The following ACTR3C variants were observed in gnomAD, a reference collection of about 807,000 sequenced individuals.
ACTR3C encodes the protein actin-related protein 3C.
Under a neutral mutation model 26.3 loss-of-function variants are expected in ACTR3C, and 18 were observed. The ratio of observed to expected loss-of-function variants is 0.68; its 90% CI spans 0.47 to 1.01. ACTR3C has a LOEUF of 1.01. Among genes scored for constraint, ACTR3C ranks in the 50% least tolerant of loss-of-function variants. The pLI, the probability that ACTR3C is intolerant of heterozygous loss-of-function variation, is 0.00. For missense variants in ACTR3C, 184 were observed against 250.7 expected, an observed-to-expected ratio of 0.73 and a Z score of 1.80; for synonymous variants, 55 against 94.5, an observed-to-expected ratio of 0.58 and a Z score of 2.42.
the ACTR3C span, among the ~76,000 whole-genome samples, chr7:150,053,729 A>T: frequency 5.1e-4 from 78 of 152,396 alleles, no homozygotes; most frequent in African/African-American, 1.7e-3. Context: ...CAACTCATCA[A>T]ATCCTGCCAC....
At chr7:150,261,904 G>T (rs1477355945) in intron 6 of ACTR3C, among the ~76,000 whole-genome samples, 15 of 151,758 alleles carry the variant, frequency 9.9e-5, no homozygotes, top group Non-Finnish European at 1.8e-4. Context: ...CATAGCTAGT[G>T]CACAGTCTGA....
chr7:150,037,672 C>T, the ACTR3C span, among the ~76,000 whole-genome samples: 7 of 110,110 alleles, frequency 6.4e-5, 1 homozygote, highest in Non-Finnish European at 1.4e-4. Context: ...CCACAGTCCT[C>T]CAGGTGGGTC....
the ACTR3C span, among the ~76,000 whole-genome samples, chr7:150,082,947 C>CTTTTTTTTTTTTTTTTTTTTTTTTT: frequency 9.2e-6 from 1 of 108,548 alleles, no homozygotes; most frequent in Non-Finnish European, 1.8e-5. Flanking sequence ...TTTTTTTTTT[C>CTTTTTTTTTTTTTTTTTTTTTTTTT]TTTTTTTTTT....
the ACTR3C span, among the ~76,000 whole-genome samples, chr7:150,087,705 C>T: frequency 6.6e-6 from 1 of 152,164 alleles, no homozygotes; most frequent in African/African-American, 2.4e-5. Flanking sequence ...AAAGCCACAG[C>T]CTGTTGTGAA....
the ACTR3C span, among the ~76,000 whole-genome samples, chr7:150,210,044 C>T: frequency 1.3e-5 from 2 of 151,322 alleles, no homozygotes; most frequent in Non-Finnish European, 2.9e-5. Flanking sequence ...ACCAAGTAAC[C>T]CAATCAAAAA....
At chr7:150,203,657 C>T in the ACTR3C span, among the ~76,000 whole-genome samples, 34 of 152,292 alleles carry the variant, frequency 2.2e-4, no homozygotes, top group African/African-American at 7.5e-4. Context: ...CCTCCACCTC[C>T]CTGGTTCAAG....
At chr7:150,112,136 C>T in the ACTR3C span, among the ~76,000 whole-genome samples, 1 of 150,654 alleles carries the variant, frequency 6.6e-6, no homozygotes, top group Non-Finnish European at 1.5e-5. Context: ...GACGTGCCAT[C>T]GACCAGGAAG....
the ACTR3C span, among the ~76,000 whole-genome samples, chr7:150,093,106 T>C: frequency 1.3e-5 from 2 of 151,440 alleles, no homozygotes; most frequent in Non-Finnish European, 2.9e-5. Context: ...TCATCTAAAA[T>C]GGGGACAGGA....
chr7:150,249,198 G>A (rs1202556771), intron 6 of ACTR3C, 144 bp from the exon 7 acceptor site: 5 of 419,560 alleles, frequency 1.2e-5, no homozygotes, highest in Non-Finnish European at 2.1e-5. Context: ...GCTTAAAGGA[G>A]AACACCAATT....
the ACTR3C span, among the ~76,000 whole-genome samples, chr7:150,113,947 C>T: frequency 1.3e-5 from 2 of 152,100 alleles, no homozygotes; most frequent in African/African-American, 2.4e-5. Context: ...GGGGCCATCT[C>T]GGTGCAACGT....
At chr7:149,900,160 GTTGTTT>G in the ACTR3C span, among the ~76,000 whole-genome samples, 6 of 150,984 alleles carry the variant, frequency 4.0e-5, no homozygotes, top group East Asian at 1.9e-4. Context: ...TTTTGTTGTT[GTTGTTT>G]TTGTTTTTGT....
At chr7:150,041,128 G>C in the ACTR3C span, among the ~76,000 whole-genome samples, 40 of 150,572 alleles carry the variant, frequency 2.7e-4, 2 homozygotes, top group Admixed American at 2.2e-3. Context: ...CCCAGGGCTG[G>C]GGCTGCCAGA....
At chr7:150,138,499 C>G in the ACTR3C span, among the ~76,000 whole-genome samples, 1 of 152,240 alleles carries the variant, frequency 6.6e-6, no homozygotes, top group Non-Finnish European at 1.5e-5. Flanking sequence ...CACTTCCCTT[C>G]CAGTGCTTTA....
At chr7:149,882,314 T>A in the ACTR3C span, among the ~76,000 whole-genome samples, 1 of 152,142 alleles carries the variant, frequency 6.6e-6, no homozygotes, top group Non-Finnish European at 1.5e-5. Context: ...ATTGGTGGCA[T>A]CTTTAGACAC....
intron 6 of ACTR3C, among the ~76,000 whole-genome samples, chr7:150,277,251 G>A (rs1397331396): frequency 6.6e-6 from 1 of 152,120 alleles, no homozygotes; most frequent in African/African-American, 2.4e-5. Context: ...AGCACTTTGG[G>A]AGGCTCGAGC....
the ACTR3C span, among the ~76,000 whole-genome samples, chr7:149,933,255 C>T: frequency 1.3e-5 from 2 of 151,726 alleles, no homozygotes; most frequent in South Asian, 4.2e-4. Context: ...CCTCCAAATC[C>T]ATCTCCCCAC....
intron 6 of ACTR3C, among the ~76,000 whole-genome samples, chr7:150,262,430 C>T (rs1276498435): frequency 3.3e-5 from 5 of 152,256 alleles, no homozygotes; most frequent in Non-Finnish European, 5.9e-5. Flanking sequence ...TTCTCTAAAC[C>T]GAGCCTTTTC....
At chr7:150,087,182 TAAAAAAAAAA>T in the ACTR3C span, among the ~76,000 whole-genome samples, 6 of 129,402 alleles carry the variant, frequency 4.6e-5, no homozygotes, top group South Asian at 4.8e-4. Context: ...TGAATTTGTT[TAAAAAAAAAA>T]AAAAAAAAAA....
the ACTR3C span, among the ~76,000 whole-genome samples, chr7:150,117,738 G>A: frequency 3.3e-5 from 5 of 152,332 alleles, no homozygotes; most frequent in South Asian, 1.0e-3. Flanking sequence ...CTCTGCTAAG[G>A]GACAGACTGC....
Sources: allele counts gnomAD v4.1 joint callset (sites outside exome capture counted in the v4.1 genomes callset), GRCh38; gene constraint gnomAD v4.1.1; transcripts MANE v1.5; gene names NCBI Gene and HGNC (gene_info 2026-07-23, HGNC 2026-07-21).